The following CADPS2 variants were observed in gnomAD, a reference collection of about 807,000 sequenced individuals.
CADPS2 encodes calcium-dependent secretion activator 2.
A neutral mutation model predicts 172.5 loss-of-function variants in CADPS2; 93 were observed. The ratio of observed to expected loss-of-function variants is 0.54; its 90% CI spans 0.46 to 0.64. CADPS2 has a LOEUF of 0.64. Among genes scored for constraint, CADPS2 ranks in the 30% least tolerant of loss-of-function variants. CADPS2 has a pLI of 0.00. For missense variants in CADPS2, 1,420 were observed against 1,565.9 expected (o/e 0.91, Z 1.57); for synonymous variants, 546 against 555.2 (o/e 0.98, Z 0.23).
chr7:122,705,545 TTA>T (rs869264598), intron 2 of CADPS2, among the ~76,000 whole-genome samples: 6 of 120,166 alleles, frequency 5.0e-5, no homozygotes, highest in African/African-American at 6.7e-5. Context: ...ATATTATATA[TTA>T]TATATATTTA....
rs572441227 is a variant in CADPS2 at position 122,854,175 on chromosome 7, C to T, written c.339+31824G>A. ...AGGAGTTTGACACCAGCCTAGGTAA[C>T]GTGGCGAAACCTGGTCTCCACAAAA... is the stretch of plus-strand genomic sequence containing the variant. On this transcript the variant is annotated intron_variant, in intron 1 of 29. Transcript: ENST00000449022. Among the ~76,000 whole-genome samples the T allele has an allele frequency of 4.2e-4, 64 of 152,166 alleles. No homozygotes were observed. In the South Asian group the frequency reaches 8.9e-3, roughly 21 times the overall value.
intron 2 of CADPS2, among the ~76,000 whole-genome samples, chr7:122,683,741 T>C (rs2083319305): frequency 1.2e-5 from 1 of 83,782 alleles, no homozygotes; most frequent in Admixed American, 1.5e-4. Context: ...ATAATGTTAA[T>C]GAAGAAAAAA....
chr7:122,418,238 C>T (rs1374792480), intron 17 of CADPS2, among the ~76,000 whole-genome samples: 1 of 152,074 alleles, frequency 6.6e-6, no homozygotes, highest in African/African-American at 2.4e-5. Context: ...AGGGCGCTTC[C>T]CACGTGTTAG....
chr7:122,490,201 T>C lies in CADPS2; in HGVS notation c.1732A>G (p.Arg578Gly), dbSNP rs763882945. 1 of 1,613,480 alleles carries C rather than the reference T, an allele frequency of 6.2e-7. No individual in the cohort carries two copies. Among genetic ancestry groups the C allele is most frequent in the Non-Finnish European group, 8.5e-7 (1 of 1,179,596 alleles). The change falls in exon 11 of 30, where the codon AGA becomes GGA. Residue 578 changes from arginine (R) to glycine (G), a missense_variant. Physicochemically the swap from Arg to Gly is moderately radical, Grantham distance 125. Transcript: ENST00000449022. The part of the protein sequence containing the change: ...VIFASDDEQD[R>G]ILWVQAMYRA... ...TACATGGCTTGAACCCATAATATTC[T>C]GTCCTGTTCATCATCACTGGCAAAG...
At chr7:122,768,276 T>C (rs1310431017) in intron 1 of CADPS2, among the ~76,000 whole-genome samples, 13 of 152,190 alleles carry the variant, frequency 8.5e-5, no homozygotes, top group Non-Finnish European at 1.6e-4. Flanking sequence ...TACTTTAGAA[T>C]GGTAGTAAAA....
chr7:122,672,726 C>T (rs2081987062), intron 2 of CADPS2, among the ~76,000 whole-genome samples: 1 of 152,194 alleles, frequency 6.6e-6, no homozygotes, highest in Non-Finnish European at 1.5e-5. Context: ...TGGCCAACAC[C>T]TGTGGAATTA....
At chr7:122,672,958 G>T (rs1397812275) in intron 2 of CADPS2, among the ~76,000 whole-genome samples, 1 of 152,166 alleles carries the variant, frequency 6.6e-6, no homozygotes, top group Non-Finnish European at 1.5e-5. Flanking sequence ...GTTCAGATGT[G>T]TCCGGAGTTT....
At chr7:122,460,073 G>A (rs541306828) in intron 14 of CADPS2, among the ~76,000 whole-genome samples, 65 of 152,144 alleles carry the variant, frequency 4.3e-4, no homozygotes, top group Non-Finnish European at 6.2e-4. Flanking sequence ...CAGGATGTTC[G>A]CCATAGAGAT....
intron 7 of CADPS2, among the ~76,000 whole-genome samples, chr7:122,577,463 T>C (rs893158566): frequency 3.3e-5 from 5 of 152,186 alleles, no homozygotes; most frequent in African/African-American, 1.2e-4. Flanking sequence ...CATTTGCATT[T>C]ACATTCGTCT....
chr7:122,886,298 C>T lies in CADPS2; in HGVS notation c.40G>A (p.Gly14Arg). Reference protein sequence around the residue: ...PSSSEEESDEGLEEESRDVLV... With the variant: ...PSSSEEESDERLEEESRDVLV... ...ACATCGCGGCTTTCCTCTTCCAGCC[C>T]CTCGTCCGACTCCTCTTCGCTGGAA... Residue 14 changes from glycine (G) to arginine (R), a missense_variant, in exon 1 of 30, where the codon GGG becomes AGG. Transcript: ENST00000449022. The T allele has an allele frequency of 6.6e-7, 1 of 1,504,388 alleles. No homozygotes were observed. The highest frequency in any genetic ancestry group is 1.2e-5 in the South Asian group (1 of 81,090). The allele number at this position is 1,504,388 out of a possible 1,614,324, so 93.2% of individuals were successfully genotyped here.
chr7:122,536,855 C>T (rs958271988), intron 8 of CADPS2, among the ~76,000 whole-genome samples: 11 of 152,024 alleles, frequency 7.2e-5, no homozygotes, highest in Non-Finnish European at 1.6e-4. Context: ...GACTTGGTCA[C>T]CACTGGTCAA....
intron 1 of CADPS2, among the ~76,000 whole-genome samples, chr7:122,885,190 C>G (rs1231887155): frequency 6.6e-6 from 1 of 152,122 alleles, no homozygotes; most frequent in Non-Finnish European, 1.5e-5. Flanking sequence ...ACATCAGGCC[C>G]CTGGGGTCTT....
chr7:122,736,897 T>C, intron 2 of CADPS2, 58 bp downstream of exon 2: 2 of 896,074 alleles, frequency 2.2e-6, no homozygotes, highest in Non-Finnish European at 3.6e-6. Context: ...CCCATAAAAA[T>C]AATAAAACTC....
At chr7:122,353,132 T>C (rs2038909238) in intron 27 of CADPS2, among the ~76,000 whole-genome samples, 1 of 152,144 alleles carries the variant, frequency 6.6e-6, no homozygotes, top group African/African-American at 2.4e-5. Flanking sequence ...CCATTAAAAG[T>C]AATGGCAATA....
intron 6 of CADPS2, among the ~76,000 whole-genome samples, chr7:122,586,818 G>T (rs1311418745): frequency 6.6e-6 from 1 of 151,654 alleles, no homozygotes; most frequent in Non-Finnish European, 1.5e-5. Context: ...CCTTTATATT[G>T]TCTGACTGTT....
intron 1 of CADPS2, among the ~76,000 whole-genome samples, chr7:122,771,988 G>T (rs1267252562): frequency 1.3e-5 from 2 of 152,148 alleles, no homozygotes; most frequent in Non-Finnish European, 2.9e-5. Flanking sequence ...AATAGACCAG[G>T]TGAGGAACAG....
At chr7:122,761,213 G>T (rs1463674008) in intron 1 of CADPS2, among the ~76,000 whole-genome samples, 1 of 152,132 alleles carries the variant, frequency 6.6e-6, no homozygotes, top group Non-Finnish European at 1.5e-5. Flanking sequence ...AACTGAAAGT[G>T]GGATGCAATA....
intron 2 of CADPS2, among the ~76,000 whole-genome samples, chr7:122,733,646 T>A (rs545456841): frequency 6.6e-6 from 1 of 152,016 alleles, no homozygotes; most frequent in African/African-American, 2.4e-5. Flanking sequence ...AATTCACACC[T>A]CTGTTTAACT....
At chr7:122,385,661 G>A (rs908195887) in intron 24 of CADPS2, among the ~76,000 whole-genome samples, 1 of 151,948 alleles carries the variant, frequency 6.6e-6, no homozygotes, top group Admixed American at 6.6e-5. Context: ...ATTTTAGGAC[G>A]AACTGTTGTG....
Sources: allele counts gnomAD v4.1 joint callset (sites outside exome capture counted in the v4.1 genomes callset), GRCh38; gene constraint gnomAD v4.1.1; transcripts MANE v1.5; gene names NCBI Gene and HGNC (gene_info 2026-07-23, HGNC 2026-07-21).